The following GDPD4 variants were observed in gnomAD, a reference collection of about 807,000 sequenced individuals.
GDPD4 encodes glycerophosphodiester phosphodiesterase domain containing 4, also known as glycerophosphodiester phosphodiesterase 6.
GDPD4 carries 60 observed loss-of-function variants against 67.8 expected under a neutral mutation model. That is an observed-to-expected ratio of 0.88 (90% CI 0.72 to 1.10). The LOEUF is 1.10. GDPD4 is among the 50% of genes least tolerant of loss of function. GDPD4 has a pLI of 0.00. For synonymous variants in GDPD4, 212 were observed against 210.9 expected, an observed-to-expected ratio of 1.00 and a Z score of -0.04; for missense variants, 623 against 613.9, an observed-to-expected ratio of 1.01 and a Z score of -0.16.
At chr11:77,259,027 C>T (rs959545633) in intron 10 of GDPD4, among the ~76,000 whole-genome samples, 2 of 152,172 alleles carry the variant, frequency 1.3e-5, no homozygotes, top group Non-Finnish European at 2.9e-5. Flanking sequence ...CTCTGTCACC[C>T]AGACTGGAGT....
Position 77,276,165 on chromosome 11 carries a change from T to C in GDPD4, c.203A>G (p.His68Arg). 1.2e-6 allele frequency: 2 copies of C among 1,612,450 alleles called. No homozygotes were observed. The highest frequency in any genetic ancestry group is 1.6e-4 in the Middle Eastern group (1 of 6,062). Reference sequence around the variant, plus strand: ...ATGTGGACTCAGATGTCCTACCTTATGACACAAGTGCAGGTATAGTTCAAT... The same window carrying C: ...ATGTGGACTCAGATGTCCTACCTTACGACACAAGTGCAGGTATAGTTCAAT... Reference protein sequence around the residue: ...ERIELYLHLCHKILILLVILL... With the variant: ...ERIELYLHLCRKILILLVILL... The change falls in exon 5 of 17, where the codon CAT (histidine) becomes CGT (arginine). Residue 68 changes from histidine (H) to arginine (R), a missense_variant. Physicochemically the swap from His to Arg is conservative, Grantham distance 29. Transcript: ENST00000315938.
At position 77,301,630 on chromosome 11, in the gene GDPD4, T is replaced by C. The variant is rs951108939; in HGVS notation, c.-279A>G. On this transcript the variant is annotated 5_prime_UTR_variant, in exon 1 of 17. Coordinates refer to ENST00000315938, the MANE Select transcript of GDPD4 (RefSeq NM_182833.3). ...CGAGACTTCCCAGTCCCAACCCAAA[T>C]CCAATCTTCACGCCTGAGGAGACCA... 30 of 151,808 alleles carry C rather than the reference T, an allele frequency of 2.0e-4. No homozygotes were observed. The highest frequency in any genetic ancestry group is 5.3e-4 in the African/African-American group (22 of 41,392). 9.4% of individuals were successfully genotyped at this position (151,808 alleles called of 1,614,324 possible).
At chr11:77,221,803 C>T (rs527732155) in intron 16 of GDPD4, among the ~76,000 whole-genome samples, 2 of 152,154 alleles carry the variant, frequency 1.3e-5, no homozygotes, top group South Asian at 2.1e-4. Context: ...CCTTCTGTCT[C>T]GTTGATCTGT....
At chr11:77,258,097 T>C (rs1959039348) in intron 11 of GDPD4, among the ~76,000 whole-genome samples, 1 of 152,228 alleles carries the variant, frequency 6.6e-6, no homozygotes, top group Admixed American at 6.5e-5. Context: ...TATGTACATG[T>C]TAGCCATACT....
chr11:77,259,389 C>T (rs765790450), intron 10 of GDPD4, among the ~76,000 whole-genome samples: 2 of 152,148 alleles, frequency 1.3e-5, no homozygotes, highest in Non-Finnish European at 2.9e-5. Flanking sequence ...TTTTATGAAA[C>T]TATCTCTCCC....
Position 77,281,960 on chromosome 11 carries a change from T to G in GDPD4, c.54-2561A>C, listed in dbSNP as rs376125859. Reference sequence around the variant, plus strand: ...TTCTAGATGAAAGATCAGAGGTGCATGATAAAATGAAGAGCAATAAAAAAA... The same window carrying G: ...TTCTAGATGAAAGATCAGAGGTGCAGGATAAAATGAAGAGCAATAAAAAAA... On this transcript the variant is annotated intron_variant, in intron 3 of 16. Transcript: ENST00000315938. Among the ~76,000 whole-genome samples, 39 of 152,022 alleles carry G rather than the reference T, an allele frequency of 2.6e-4. No homozygotes were observed. In the East Asian group the frequency reaches 3.7e-3, roughly 14 times the overall value.
intron 9 of GDPD4, 119 bp from the exon 10 acceptor site, chr11:77,268,658 T>G: frequency 1.2e-6 from 1 of 838,886 alleles, no homozygotes; most frequent in Non-Finnish European, 2.0e-6. Context: ...CCCTGAGATC[T>G]CCTTTCAAAA....
intron 13 of GDPD4, among the ~76,000 whole-genome samples, chr11:77,233,440 C>T (rs1591533579): frequency 5.2e-5 from 1 of 19,328 alleles, no homozygotes; most frequent in Admixed American, 6.4e-4. Flanking sequence ...AGAAAGAAAA[C>T]ATATTGAAAA....
At chr11:77,270,822 A>G (rs192255811) in intron 7 of GDPD4, 1 of 275,030 alleles carries the variant, frequency 3.6e-6, no homozygotes, top group East Asian at 9.3e-5. Flanking sequence ...AACAGCCTCT[A>G]CTGCGTCACC....
chr11:77,280,780 C>T (rs1959721456), intron 3 of GDPD4, among the ~76,000 whole-genome samples: 1 of 152,224 alleles, frequency 6.6e-6, no homozygotes, highest in Admixed American at 6.5e-5. Context: ...CTCTCTCCCT[C>T]TACTTCTTCC....
rs989875644 is a variant in GDPD4, at chr11:77,217,296, T to G, written c.1544A>C (p.Lys515Thr). Reference sequence around the variant, plus strand: ...ATCTATCTATCTATCTTCCTCATTCTTACTTCCACTCTGAGTATCTGTGGG... The same window carrying G: ...ATCTATCTATCTATCTTCCTCATTCGTACTTCCACTCTGAGTATCTGTGGG... ...STRTDTQSGS[K>T]NEEDR is the part of the protein sequence containing the mutation. The change falls in exon 17 of 17, where the codon AAG (lysine) becomes ACG (threonine). Residue 515 changes from lysine (K) to threonine (T), a missense_variant. Physicochemically the swap from Lys to Thr is moderately conservative, Grantham distance 78 (BLOSUM62 -1). Coordinates refer to ENST00000315938, the MANE Select transcript of GDPD4 (RefSeq NM_182833.3). The G allele has an allele frequency of 2.5e-6, 4 of 1,607,496 alleles. No homozygotes were observed. The highest frequency in any genetic ancestry group is 3.4e-6 in the Non-Finnish European group (4 of 1,174,054).
intron 11 of GDPD4, among the ~76,000 whole-genome samples, chr11:77,246,000 A>G (rs373106094): frequency 1.3e-5 from 2 of 152,190 alleles, no homozygotes; most frequent in African/African-American, 4.8e-5. Context: ...TTCCTGAACT[A>G]AAGAGACTTC....
At chr11:77,225,033 G>A (rs531724225) in intron 16 of GDPD4, among the ~76,000 whole-genome samples, 2 of 152,002 alleles carry the variant, frequency 1.3e-5, no homozygotes, top group Middle Eastern at 3.4e-3. Flanking sequence ...GAGCCCAGGA[G>A]TTCAAGGTTG....
At chr11:77,277,391 C>CTTTTTTTTTTCT (rs1959523379) in intron 4 of GDPD4, among the ~76,000 whole-genome samples, 1 of 58,328 alleles carries the variant, frequency 1.7e-5, no homozygotes, top group Admixed American at 3.0e-4. Context: ...GCCATGTTTC[C>CTTTTTTTTTTCT]TTTTTTTTTT....
intron 10 of GDPD4, among the ~76,000 whole-genome samples, chr11:77,267,839 C>T (rs933094904): frequency 3.3e-5 from 5 of 152,150 alleles, no homozygotes; most frequent in African/African-American, 1.2e-4. Context: ...TCTCCTTCCC[C>T]CATCTCTGCT....
chr11:77,238,602 A>T (rs1322962213), intron 13 of GDPD4, among the ~76,000 whole-genome samples: 2 of 143,856 alleles, frequency 1.4e-5, no homozygotes, highest in Non-Finnish European at 3.1e-5. Context: ...AAAAAAAAAA[A>T]TTATGTTATG....
intron 16 of GDPD4, among the ~76,000 whole-genome samples, chr11:77,220,936 G>A (rs933927648): frequency 1.3e-5 from 2 of 152,226 alleles, no homozygotes; most frequent in East Asian, 3.9e-4. Context: ...TGGGTAACCC[G>A]ACCTTTCTCA....
chr11:77,277,689 C>A (rs1462472510), intron 4 of GDPD4, among the ~76,000 whole-genome samples: 3 of 151,900 alleles, frequency 2.0e-5, no homozygotes, highest in African/African-American at 4.8e-5. Context: ...TTGATCTTTT[C>A]AAAAAACCAG....
At chr11:77,279,540 T>TTTTTTTTTTTTTTTTTTGA in intron 3 of GDPD4, 141 bp from the exon 4 acceptor site, 14 of 520,148 alleles carry the variant, frequency 2.7e-5, no homozygotes, top group Non-Finnish European at 3.9e-5. Flanking sequence ...CAGCAGCTTT[T>TTTTTTTTTTTTTTTTTTGA]GCGGATAATT....
Sources: allele counts gnomAD v4.1 joint callset (sites outside exome capture counted in the v4.1 genomes callset), GRCh38; gene constraint gnomAD v4.1.1; transcripts MANE v1.5; gene names NCBI Gene and HGNC (gene_info 2026-07-23, HGNC 2026-07-21).